SPAG16: variants seen among roughly 807,000 people sequenced by gnomAD.
SPAG16 encodes sperm associated antigen 16.
Under a neutral mutation model 80.4 loss-of-function variants are expected in SPAG16, and 86 were observed. The ratio of observed to expected loss-of-function variants is 1.07; its 90% CI spans 0.90 to 1.28. The LOEUF (loss-of-function observed/expected upper bound fraction) is 1.28. Ranked by LOEUF, SPAG16 falls within the 50% of genes most tolerant of loss-of-function variation. SPAG16 has a pLI of 0.00. For synonymous variants in SPAG16, 294 were observed against 265.9 expected (o/e 1.11, Z -1.03); for missense variants, 870 against 765.3 (o/e 1.14, Z -1.61).
intron 10 of SPAG16, among the ~76,000 whole-genome samples, chr2:213,522,788 TTACA>T (rs2075727496): frequency 7.0e-6 from 1 of 143,292 alleles, no homozygotes. Flanking sequence ...TGCCCAAAAC[TTACA>T]TGCCAAATAT....
At chr2:214,011,567 C>T (rs1461969859) in intron 12 of SPAG16, among the ~76,000 whole-genome samples, 1 of 152,142 alleles carries the variant, frequency 6.6e-6, no homozygotes, top group Non-Finnish European at 1.5e-5. Flanking sequence ...AATATGTAAA[C>T]AGACTGGCAT....
rs574046887 is a variant in SPAG16, at chr2:213,690,955, A to G, written c.1071-171530A>G. On this transcript the variant is annotated intron_variant, in intron 10 of 15. Transcript: ENST00000331683. ...CTAGCTTGCATATAGATAGATACAGATATAGATATAGATATATAGATATAT... is the reference window on the plus strand; with the variant it reads ...CTAGCTTGCATATAGATAGATACAGGTATAGATATAGATATATAGATATAT... Among the ~76,000 whole-genome samples, 48 of 152,220 alleles carry G rather than the reference A, an allele frequency of 3.2e-4. No homozygotes were observed. The Middle Eastern group carries it at 0.01, about 32-fold the overall frequency.
chr2:213,954,889 T>A (rs2044042193), intron 12 of SPAG16, among the ~76,000 whole-genome samples: 1 of 152,178 alleles, frequency 6.6e-6, no homozygotes, highest in Non-Finnish European at 1.5e-5. Flanking sequence ...ACATTGTGAT[T>A]TTAATTTGCA....
intron 7 of SPAG16, among the ~76,000 whole-genome samples, chr2:213,351,196 T>C (rs1399097423): frequency 6.6e-6 from 1 of 152,114 alleles, no homozygotes; most frequent in Non-Finnish European, 1.5e-5. Context: ...TTATAGCAGA[T>C]TATTAAATTA....
chr2:213,790,028 TCC>T (rs1202632458), intron 10 of SPAG16, among the ~76,000 whole-genome samples: 3 of 151,980 alleles, frequency 2.0e-5, no homozygotes, highest in Non-Finnish European at 4.4e-5. Flanking sequence ...ATCTTTTTTG[TCC>T]CCTCAGTATT....
intron 10 of SPAG16, among the ~76,000 whole-genome samples, chr2:213,543,799 A>G (rs1194608972): frequency 6.6e-6 from 1 of 152,052 alleles, no homozygotes; most frequent in Non-Finnish European, 1.5e-5. Context: ...TCTACCAGAT[A>G]CACCTTGATT....
At chr2:214,109,329 AG>A (rs1414253869) in intron 14 of SPAG16, among the ~76,000 whole-genome samples, 1 of 152,206 alleles carries the variant, frequency 6.6e-6, no homozygotes, top group African/African-American at 2.4e-5. Flanking sequence ...GTCTGTTCTC[AG>A]ATGAAAGAGA....
At chr2:213,687,576 G>A (rs1395437756) in intron 10 of SPAG16, among the ~76,000 whole-genome samples, 2 of 152,078 alleles carry the variant, frequency 1.3e-5, no homozygotes, top group Admixed American at 6.5e-5. Context: ...ATTTAAAAAT[G>A]TTGCTCAACT....
At chr2:213,882,944 C>G (rs2076402818) in intron 11 of SPAG16, among the ~76,000 whole-genome samples, 1 of 152,164 alleles carries the variant, frequency 6.6e-6, no homozygotes, top group Non-Finnish European at 1.5e-5. Context: ...GCGATCTCGG[C>G]TCACTGCAAG....
intron 15 of SPAG16, among the ~76,000 whole-genome samples, chr2:214,223,252 C>T (rs180903905): frequency 1.6e-4 from 25 of 152,046 alleles, no homozygotes; most frequent in Admixed American, 1.6e-3. Flanking sequence ...AGGTCATTAG[C>T]AAAAAGCTGA....
At chr2:214,223,047 C>T (rs1483449926) in intron 15 of SPAG16, among the ~76,000 whole-genome samples, 2 of 152,156 alleles carry the variant, frequency 1.3e-5, no homozygotes, top group Non-Finnish European at 2.9e-5. Context: ...TTTTACCTTT[C>T]ATTTCTTAAT....
At chr2:214,066,384 C>T (rs1441110672) in intron 13 of SPAG16, among the ~76,000 whole-genome samples, 1 of 152,116 alleles carries the variant, frequency 6.6e-6, no homozygotes, top group Non-Finnish European at 1.5e-5. Flanking sequence ...CATCAAGGCT[C>T]AGAAAAAATG....
Position 213,932,187 on chromosome 2 carries a change from TATATATATATA to T in SPAG16, c.1400+2043_1400+2053del, listed in dbSNP as rs1559602627. Among the ~76,000 whole-genome samples the T allele has an allele frequency of 9.0e-4, 22 of 24,322 alleles. 1 individual carries two copies. The highest frequency in any genetic ancestry group is 1.5e-3 in the African/African-American group (21 of 13,892). The allele number at this position is 24,322 out of a possible 152,430, so 16.0% of individuals were successfully genotyped here. On this transcript the variant is annotated intron_variant, in intron 12 of 15. Coordinates refer to ENST00000331683, the MANE Select transcript of SPAG16 (RefSeq NM_024532.5). ...ATATATATATATATATATATATATA[TATATATATATA>T]TTTGTTGTTGTTGTTGTTGTTGTTG... is the stretch of plus-strand genomic sequence containing the variant.
chr2:213,876,061 G>GA lies in SPAG16; in HGVS notation c.1214+13437dup, dbSNP rs201587432. Among the ~76,000 whole-genome samples the GA allele has an allele frequency of 3.5e-4, 53 of 152,132 alleles. No individual in the cohort carries two copies. In the East Asian group the frequency reaches 9.7e-3, roughly 28 times the overall value. ...GTCCTAACTTTGATGAAGAAAATAA[G>GA]AAAATACCAGTTTCCCCAGTAGAGA... On this transcript the variant is annotated intron_variant, in intron 11 of 15. Coordinates refer to ENST00000331683, the MANE Select transcript of SPAG16 (RefSeq NM_024532.5).
intron 11 of SPAG16, among the ~76,000 whole-genome samples, chr2:213,867,933 A>AAAAAAAAAAAAAAAAAC: frequency 7.2e-6 from 1 of 139,382 alleles, no homozygotes; most frequent in Non-Finnish European, 1.5e-5. Context: ...CAACAAAAAA[A>AAAAAAAAAAAAAAAAAC]AAAAAAAAAA....
intron 12 of SPAG16, among the ~76,000 whole-genome samples, chr2:213,945,849 C>A (rs1336472717): frequency 1.3e-5 from 2 of 152,154 alleles, no homozygotes; most frequent in Non-Finnish European, 2.9e-5. Flanking sequence ...ATTTTAGCCA[C>A]CCAGATCCTA....
chr2:213,978,542 A>G lies in SPAG16; in HGVS notation c.1401-35409A>G, dbSNP rs560795075. On this transcript the variant is annotated intron_variant, in intron 12 of 15. Transcript: ENST00000331683. ...CATATTAGGTATTTATTGTGGCACC[A>G]CACTACTTCCAATTTCTAAATTTTG... Among the ~76,000 whole-genome samples, 45 of 152,244 alleles carry G rather than the reference A, an allele frequency of 3.0e-4. No homozygotes were observed. In the South Asian group the frequency reaches 8.9e-3, roughly 30 times the overall value.
intron 10 of SPAG16, among the ~76,000 whole-genome samples, chr2:213,595,844 T>A (rs562775849): frequency 1.3e-5 from 2 of 152,238 alleles, no homozygotes; most frequent in East Asian, 1.9e-4. Flanking sequence ...GCAGTTTTTT[T>A]ATTAAAATAG....
chr2:214,407,772 A>G (rs1215173660), intron 15 of SPAG16, among the ~76,000 whole-genome samples: 7 of 152,140 alleles, frequency 4.6e-5, no homozygotes, highest in Non-Finnish European at 8.8e-5. Flanking sequence ...GTAGCAATTG[A>G]CACACCCTGG....
Sources: gnomAD v4.1 joint callset for allele counts (sites outside exome capture counted in the v4.1 genomes callset) on GRCh38, gnomAD v4.1.1 for gene constraint, MANE v1.5 for transcripts, NCBI Gene and HGNC (gene_info 2026-07-23, HGNC 2026-07-21) for gene names.